The following CPEB1 variants were observed in gnomAD, a reference collection of about 807,000 sequenced individuals.
CPEB1 encodes cytoplasmic polyadenylation element binding protein 1.
A neutral mutation model predicts 65.8 loss-of-function variants in CPEB1; 7 were observed. That is an observed-to-expected ratio of 0.11 (90% CI 0.06 to 0.20). The LOEUF (loss-of-function observed/expected upper bound fraction) is 0.20. Among genes scored for constraint, CPEB1 ranks in the 10% least tolerant of loss-of-function variants. The probability of loss-of-function intolerance (pLI) is 1.00; values close to 1 mark genes in which losing one functional copy is unlikely to be tolerated. For missense variants in CPEB1, 551 were observed against 712.2 expected, an observed-to-expected ratio of 0.77 and a Z score of 2.58; for synonymous variants, 262 against 260.0, an observed-to-expected ratio of 1.01 and a Z score of -0.08.
At chr15:82,623,370 G>C (rs2045484174) in intron 3 of CPEB1, among the ~76,000 whole-genome samples, 1 of 152,058 alleles carries the variant, frequency 6.6e-6, no homozygotes, top group Non-Finnish European at 1.5e-5. Flanking sequence ...AACTAGTGGG[G>C]AAAAGCATAC....
chr15:82,595,788 A>G (rs539388840), intron 3 of CPEB1, among the ~76,000 whole-genome samples: 85 of 152,266 alleles, frequency 5.6e-4, no homozygotes, highest in Non-Finnish European at 1.0e-3. Flanking sequence ...CGAAAAACAG[A>G]GAATTAGAAA....
intron 3 of CPEB1, 47 bp from the exon 4 acceptor site, chr15:82,571,579 T>C: frequency 6.4e-7 from 1 of 1,574,544 alleles, no homozygotes; most frequent in Non-Finnish European, 8.6e-7. Flanking sequence ...TAAGGGCTGT[T>C]TTCCCCAATA....
intron 4 of CPEB1, among the ~76,000 whole-genome samples, chr15:82,565,427 C>T (rs546750516): frequency 6.6e-6 from 1 of 152,318 alleles, no homozygotes; most frequent in Admixed American, 6.5e-5. Context: ...CCGATTTCCA[C>T]CAGCTGGGAA....
chr15:82,639,498 T>TC (rs953190876), intron 1 of CPEB1, among the ~76,000 whole-genome samples: 7 of 151,960 alleles, frequency 4.6e-5, no homozygotes, highest in East Asian at 1.9e-4. Context: ...TTTTTTTTTT[T>TC]CCCCACTTAA....
intron 3 of CPEB1, among the ~76,000 whole-genome samples, chr15:82,596,697 CAAAAAAA>C (rs59895391): frequency 2.2e-5 from 2 of 89,118 alleles, no homozygotes; most frequent in African/African-American, 4.2e-5. Context: ...GACTCTGTCT[CAAAAAAA>C]AAAAAAAAAA....
intron 11 of CPEB1, among the ~76,000 whole-genome samples, chr15:82,546,758 CA>C: frequency 6.6e-6 from 1 of 152,198 alleles, no homozygotes; most frequent in East Asian, 1.9e-4. Flanking sequence ...GGGATTCAGG[CA>C]ACCACACACC....
rs770218142 is a variant in CPEB1, at chr15:82,627,188, A to G, written c.271+5T>C. The G allele has an allele frequency of 6.2e-7, 1 of 1,609,198 alleles. No homozygotes were observed. Among genetic ancestry groups the G allele is most frequent in the South Asian group, 1.1e-5 (1 of 89,928 alleles). On this transcript the variant is annotated splice_donor_5th_base_variant and intron_variant, in intron 3 of 12. Coordinates refer to ENST00000684509, the MANE Select transcript of CPEB1 (RefSeq NM_001365242.1). ...ACCACGTTCAAGTTTTCAAACCTAA[A>G]TCACCTGGCAAATGATCATGAATTC...
intron 4 of CPEB1, among the ~76,000 whole-genome samples, chr15:82,565,048 T>A (rs1470007250): frequency 6.6e-6 from 1 of 152,206 alleles, no homozygotes; most frequent in Non-Finnish European, 1.5e-5. Context: ...ATCAGTTTCC[T>A]GCAAATATTA....
At chr15:82,548,445 C>T (rs1191717337) in intron 10 of CPEB1, among the ~76,000 whole-genome samples, 1 of 152,294 alleles carries the variant, frequency 6.6e-6, no homozygotes, top group Non-Finnish European at 1.5e-5. Flanking sequence ...CTACCATATT[C>T]GTACCATATT....
chr15:82,630,779 G>T (rs1270565965), intron 1 of CPEB1, among the ~76,000 whole-genome samples: 2 of 152,106 alleles, frequency 1.3e-5, no homozygotes, highest in African/African-American at 4.8e-5. Flanking sequence ...AGAGTAGAGA[G>T]GCATTATCAA....
chr15:82,628,068 A>T (rs1668749328), intron 2 of CPEB1: 10 of 625,830 alleles, frequency 1.6e-5, no homozygotes, highest in South Asian at 3.9e-5. Flanking sequence ...TACTCTACAG[A>T]AAGGATTGTT....
intron 3 of CPEB1, among the ~76,000 whole-genome samples, chr15:82,621,638 C>T (rs1311633538): frequency 6.8e-6 from 1 of 147,150 alleles, no homozygotes; most frequent in African/African-American, 2.5e-5. Context: ...AAAAAAAAAT[C>T]TAACATCAGG....
chr15:82,647,834 G>C, upstream of CPEB1: 6 of 1,281,772 alleles, frequency 4.7e-6, no homozygotes, highest in Non-Finnish European at 5.9e-6. Context: ...CCCCGCCCAG[G>C]CGAGCGGCGG....
intron 12 of CPEB1, among the ~76,000 whole-genome samples, chr15:82,545,248 A>C (rs544044667): frequency 1.6e-4 from 25 of 152,282 alleles, no homozygotes; most frequent in African/African-American, 5.8e-4. Flanking sequence ...CAGATCCATA[A>C]AAGCCTCGTA....
At chr15:82,552,846 A>G (rs1457224981) in intron 8 of CPEB1, among the ~76,000 whole-genome samples, 3 of 152,240 alleles carry the variant, frequency 2.0e-5, no homozygotes, top group Non-Finnish European at 4.4e-5. Flanking sequence ...GCTGAGACAG[A>G]GGATCCCACC....
chr15:82,589,531 G>A (rs1457716416), intron 3 of CPEB1, among the ~76,000 whole-genome samples: 1 of 152,110 alleles, frequency 6.6e-6, no homozygotes, highest in Non-Finnish European at 1.5e-5. Context: ...ATCACTTGAA[G>A]TCAGGAGTTT....
Position 82,572,886 on chromosome 15 carries a change from G to A in CPEB1, c.272-1354C>T, listed in dbSNP as rs144776216. 6.7e-4 allele frequency: 487 copies of A among 722,026 alleles called. No homozygotes were observed. The African/African-American group carries it at 8.0e-3, about 12-fold the overall frequency. 44.7% of individuals were successfully genotyped at this position (722,026 alleles called of 1,614,324 possible). On this transcript the variant is annotated intron_variant, in intron 3 of 12. Transcript: ENST00000684509. ...AGAAAATTCAGCTTCTGGAGCTTCC[G>A]CCATTTCCTCTTTGCCATCTCCTCC...
Position 82,553,564 on chromosome 15 carries a change from G to A in CPEB1, c.1055-8C>T. On this transcript the variant is annotated splice_region_variant and splice_polypyrimidine_tract_variant and intron_variant, in intron 7 of 12. Coordinates refer to ENST00000684509, the MANE Select transcript of CPEB1 (RefSeq NM_001365242.1). ...AGGTGTTAACTAATCCAGCTGCAAAGAGACAGAAAAGAATGGCAGAAGCTG... is the reference window on the plus strand; with the variant it reads ...AGGTGTTAACTAATCCAGCTGCAAAAAGACAGAAAAGAATGGCAGAAGCTG... 6.2e-7 allele frequency: 1 copy of A among 1,600,906 alleles called. No homozygotes were observed. The highest frequency in any genetic ancestry group is 8.6e-7 in the Non-Finnish European group (1 of 1,169,244).
chr15:82,639,849 A>ACTCTCTCT (rs112948983), intron 1 of CPEB1, among the ~76,000 whole-genome samples: 4 of 145,890 alleles, frequency 2.7e-5, no homozygotes, highest in South Asian at 2.2e-4. Context: ...ACGCGCAAAC[A>ACTCTCTCT]CTCTCTCTCT....
Sources: gnomAD v4.1 joint callset for allele counts (sites outside exome capture counted in the v4.1 genomes callset) on GRCh38, gnomAD v4.1.1 for gene constraint, MANE v1.5 for transcripts, NCBI Gene and HGNC (gene_info 2026-07-23, HGNC 2026-07-21) for gene names.